Variants in DACH2 observed in about 807,000 individuals in gnomAD.
DACH2 encodes the protein dachshund homolog 2.
DACH2 carries 17 observed loss-of-function variants against 35.8 expected under a neutral mutation model. That is an observed-to-expected ratio of 0.48 (90% CI 0.33 to 0.71). The LOEUF (loss-of-function observed/expected upper bound fraction) is 0.71, where lower values mean the gene tolerates loss of function less well. Ranked by LOEUF, DACH2 falls within the 30% of genes least tolerant of loss-of-function variation. The probability of loss-of-function intolerance (pLI) is 0.02; values close to 1 mark genes in which losing one functional copy is unlikely to be tolerated. For synonymous variants in DACH2, 195 were observed against 177.3 expected, an observed-to-expected ratio of 1.10 and a Z score of -0.79; for missense variants, 469 against 472.7, an observed-to-expected ratio of 0.99 and a Z score of 0.07.
At chrX:86,429,673 GC>G (rs1355654770) in intron 2 of DACH2, among the ~76,000 whole-genome samples, 1 of 109,627 alleles carries the variant, frequency 9.1e-6, no homozygotes, top group Non-Finnish European at 1.9e-5. Flanking sequence ...TCATTCTGTT[GC>G]CTTAGCCTCC....
chrX:86,184,212 A>ATTT (rs34655546), intron 1 of DACH2: 219 of 161,817 alleles, frequency 1.4e-3, no homozygotes, highest in Non-Finnish European at 1.6e-3. Flanking sequence ...TAGTCTTCTG[A>ATTT]TTTTTTTTTT....
At chrX:86,337,406 G>A (rs2035332226) in intron 1 of DACH2, among the ~76,000 whole-genome samples, 1 of 112,253 alleles carries the variant, frequency 8.9e-6, no homozygotes, top group South Asian at 3.7e-4. Context: ...AGCCAGAAGA[G>A]AGTGGGGGCC....
intron 1 of DACH2, among the ~76,000 whole-genome samples, chrX:86,249,077 G>A (rs1346658575): frequency 9.0e-6 from 1 of 111,058 alleles, no homozygotes; most frequent in African/African-American, 3.3e-5. Flanking sequence ...AAAACTTATA[G>A]GTAAAACCTA....
At chrX:86,683,285 T>C (rs1358899971) in intron 4 of DACH2, among the ~76,000 whole-genome samples, 1 of 111,392 alleles carries the variant, frequency 9.0e-6, no homozygotes, top group Non-Finnish European at 1.9e-5. Flanking sequence ...TAAGAAGTCC[T>C]AGGATTAATA....
intron 3 of DACH2, among the ~76,000 whole-genome samples, chrX:86,619,813 A>G (rs1398559059): frequency 8.9e-6 from 1 of 112,178 alleles, no homozygotes; most frequent in Non-Finnish European, 1.9e-5. Context: ...TCACTCTGAT[A>G]ATTTAATGAC....
At chrX:86,512,995 A>G (rs1435044542) in intron 2 of DACH2, 1 of 314,832 alleles carries the variant, frequency 3.2e-6, no homozygotes, top group African/African-American at 2.7e-5. Context: ...CGCTAGATTG[A>G]TATATAATAT....
chrX:86,267,181 T>C (rs894846696), intron 1 of DACH2, among the ~76,000 whole-genome samples: 5 of 111,924 alleles, frequency 4.5e-5, no homozygotes, highest in African/African-American at 1.3e-4. Flanking sequence ...TGCAATTATC[T>C]GAATATTTAA....
At chrX:86,797,666 T>A (rs1169257347) in intron 7 of DACH2, among the ~76,000 whole-genome samples, 3 of 111,916 alleles carry the variant, frequency 2.7e-5, no homozygotes, top group Non-Finnish European at 5.6e-5. Context: ...CATATAAATA[T>A]TTATTGAACA....
At chrX:86,702,593 A>G (rs759946567) in intron 5 of DACH2, among the ~76,000 whole-genome samples, 1 of 111,790 alleles carries the variant, frequency 8.9e-6, no homozygotes, top group South Asian at 3.7e-4. Flanking sequence ...AAATGGAGCT[A>G]TTACAACCAA....
At chrX:86,414,981 G>A (rs937011232) in intron 2 of DACH2, among the ~76,000 whole-genome samples, 8 of 111,312 alleles carry the variant, frequency 7.2e-5, no homozygotes, top group Non-Finnish European at 1.5e-4. Context: ...GACTCATCCA[G>A]GATCAATACT....
At chrX:86,766,501 C>T (rs188382222) in intron 7 of DACH2, among the ~76,000 whole-genome samples, 42 of 111,588 alleles carry the variant, frequency 3.8e-4, no homozygotes, top group African/African-American at 1.4e-3. Flanking sequence ...AGGTGTGAAC[C>T]AGTTCCAACA....
intron 3 of DACH2, among the ~76,000 whole-genome samples, chrX:86,641,651 A>G (rs1019762649): frequency 1.8e-5 from 2 of 111,785 alleles, no homozygotes; most frequent in East Asian, 2.8e-4. Context: ...ACACATAACC[A>G]TCTGATTTTC....
At chrX:86,591,270 C>T (rs1408208204) in intron 3 of DACH2, among the ~76,000 whole-genome samples, 2 of 111,390 alleles carry the variant, frequency 1.8e-5, no homozygotes, top group South Asian at 3.7e-4. Flanking sequence ...GTGAATAGTG[C>T]CGCAATAAAC....
At chrX:86,645,892 G>A (rs1428059397) in intron 3 of DACH2, among the ~76,000 whole-genome samples, 1 of 110,325 alleles carries the variant, frequency 9.1e-6, no homozygotes, top group Non-Finnish European at 1.9e-5. Flanking sequence ...AGACACTGAG[G>A]TCTACTTTAG....
chrX:86,245,124 T>C (rs2033250571), intron 1 of DACH2, among the ~76,000 whole-genome samples: 1 of 112,174 alleles, frequency 8.9e-6, no homozygotes, highest in Non-Finnish European at 1.9e-5. Context: ...TTTTTATAGC[T>C]ATTATAAAAG....
chrX:86,636,938 G>T (rs1181424717), intron 3 of DACH2, among the ~76,000 whole-genome samples: 5 of 91,137 alleles, frequency 5.5e-5, no homozygotes, highest in African/African-American at 2.0e-4. Context: ...CAGAATGGGA[G>T]AAAATTTTTT....
chrX:86,529,110 T>A (rs1260350352), intron 3 of DACH2, among the ~76,000 whole-genome samples: 2 of 112,276 alleles, frequency 1.8e-5, no homozygotes, highest in Non-Finnish European at 3.8e-5. Flanking sequence ...AGTGGCATGA[T>A]CATAGCTCAC....
intron 1 of DACH2, among the ~76,000 whole-genome samples, chrX:86,164,950 G>GT (rs143924527): frequency 0.12 from 12,526 of 107,524 alleles, 1,826 homozygotes; most frequent in African/African-American, 0.4. Flanking sequence ...TTTTAAAATA[G>GT]TTTTTTTTTC....
intron 3 of DACH2, among the ~76,000 whole-genome samples, chrX:86,630,409 T>C (rs2369235): frequency 0.11 from 12,104 of 107,084 alleles, 696 homozygotes; most frequent in East Asian, 0.3. Context: ...TATATACACA[T>C]ATATATATAC....
Sources: allele counts gnomAD v4.1 joint callset (sites outside exome capture counted in the v4.1 genomes callset), GRCh38; gene constraint gnomAD v4.1.1; transcripts MANE v1.5; gene names NCBI Gene and HGNC (gene_info 2026-07-23, HGNC 2026-07-21).